MBD5: variants seen among roughly 807,000 people sequenced by gnomAD.
The protein encoded by MBD5 is methyl-CpG binding domain protein 5, also known as methyl-CpG-binding domain protein 5.
In MBD5, 13 loss-of-function variants were observed where a neutral mutation model predicts 117.3. That is an observed-to-expected ratio of 0.11 (90% confidence interval 0.07 to 0.18). The LOEUF is 0.18. Among genes scored for constraint, MBD5 ranks in the 10% least tolerant of loss-of-function variants. The pLI is 1.00. For missense variants in MBD5, 1,879 were observed against 2,093.8 expected (o/e 0.90, Z 2.00); for synonymous variants, 727 against 766.4 (o/e 0.95, Z 0.85).
At chr2:148,296,251 A>T (rs1701644364) in intron 3 of MBD5, 1 of 188,662 alleles carries the variant, frequency 5.3e-6, no homozygotes, top group South Asian at 1.2e-4. Flanking sequence ...CTTATAGAAT[A>T]TCAGCAATTG....
At chr2:148,025,708 C>A (rs934950863) in intron 1 of MBD5, 4 of 152,008 alleles carry the variant, frequency 2.6e-5, no homozygotes, top group African/African-American at 4.8e-5. Context: ...CAAATTTTAG[C>A]AAATCTAACA....
intron 7 of MBD5, among the ~76,000 whole-genome samples, chr2:148,464,321 A>G (rs1707189927): frequency 6.6e-6 from 1 of 152,116 alleles, no homozygotes; most frequent in East Asian, 1.9e-4. Context: ...AACACCTACT[A>G]AACAGAAATC....
At chr2:148,294,637 A>G (rs1329629432) in intron 3 of MBD5, among the ~76,000 whole-genome samples, 3 of 151,104 alleles carry the variant, frequency 2.0e-5, no homozygotes, top group Non-Finnish European at 2.9e-5. Context: ...CGAGTAGCTG[A>G]TATTACAGCC....
chr2:148,394,984 A>C (rs918878226), intron 4 of MBD5, among the ~76,000 whole-genome samples: 2 of 151,930 alleles, frequency 1.3e-5, no homozygotes, highest in African/African-American at 4.8e-5. Flanking sequence ...TATCTCCTCC[A>C]TGGCTTTGTT....
chr2:148,443,320 G>A lies in MBD5; in HGVS notation c.-556-14883G>A, dbSNP rs192063980. On this transcript the variant is annotated intron_variant, in intron 4 of 13. Coordinates refer to ENST00000642680, the MANE Select transcript of MBD5 (RefSeq NM_001378120.1). ...TGGAAATGTAAATTGGGAATGTAAAGAGAGAACAGTTTGGAGGTTCCTCAC... is the reference window on the plus strand; with the variant it reads ...TGGAAATGTAAATTGGGAATGTAAAAAGAGAACAGTTTGGAGGTTCCTCAC... Among the ~76,000 whole-genome samples, 315 of 151,328 alleles carry A rather than the reference G, an allele frequency of 2.1e-3. 2 individuals carry two copies. The highest frequency in any genetic ancestry group is 3.4e-3 in the Middle Eastern group (1 of 294).
intron 3 of MBD5, among the ~76,000 whole-genome samples, chr2:148,253,931 G>A (rs535550062): frequency 1.3e-4 from 20 of 152,314 alleles, no homozygotes; most frequent in South Asian, 1.0e-3. Context: ...GTCATGCTGC[G>A]CTGGAAGTCT....
In MBD5 at chr2:148,300,607, T is replaced by C. The variant is rs936065472; in HGVS notation, c.-679-41607T>C. On this transcript the variant is annotated intron_variant, in intron 3 of 13. Transcript: ENST00000642680. The stretch of plus-strand genomic sequence containing the variant: ...ATATTTGTTATTCTTGGATAATTAG[T>C]ATTAGAACTCTTTTTCTGGGTTTAG... Among the ~76,000 whole-genome samples the C allele has an allele frequency of 2.0e-5, 3 of 152,320 alleles. No individual in the cohort carries two copies. The South Asian group carries it at 6.2e-4, about 32-fold the overall frequency.
chr2:148,397,866 T>G (rs1034936043), intron 4 of MBD5, among the ~76,000 whole-genome samples: 1 of 150,272 alleles, frequency 6.7e-6, no homozygotes. Flanking sequence ...TGTGTTCTCA[T>G]TGTTCAGTTC....
intron 3 of MBD5, among the ~76,000 whole-genome samples, chr2:148,241,363 T>C (rs1243094717): frequency 6.6e-6 from 1 of 152,188 alleles, no homozygotes; most frequent in Non-Finnish European, 1.5e-5. Context: ...CCTTTATGGA[T>C]TTCTGTGGAA....
chr2:148,321,172 T>C (rs1473238937), intron 3 of MBD5, among the ~76,000 whole-genome samples: 1 of 152,232 alleles, frequency 6.6e-6, no homozygotes, highest in East Asian at 1.9e-4. Context: ...AAATATAACT[T>C]AGTAAACAGT....
intron 1 of MBD5, among the ~76,000 whole-genome samples, chr2:148,066,189 G>A (rs1165610543): frequency 6.6e-6 from 1 of 151,988 alleles, no homozygotes; most frequent in African/African-American, 2.4e-5. Flanking sequence ...GCCTGTCATC[G>A]CAGCTACTTG....
intron 1 of MBD5, among the ~76,000 whole-genome samples, chr2:148,099,228 A>T (rs528679187): frequency 6.6e-6 from 1 of 152,190 alleles, no homozygotes; most frequent in African/African-American, 2.4e-5. Flanking sequence ...TATAATTAGT[A>T]TTGAGGAATG....
At chr2:148,494,542 T>C (rs115529690) in intron 11 of MBD5, among the ~76,000 whole-genome samples, 174 of 152,348 alleles carry the variant, frequency 1.1e-3, no homozygotes, top group African/African-American at 4.0e-3. Context: ...TGCCTGTATG[T>C]ATTACTTTCC....
chr2:148,107,413 T>G (rs999134067), intron 1 of MBD5, among the ~76,000 whole-genome samples: 1 of 150,994 alleles, frequency 6.6e-6, no homozygotes, highest in South Asian at 2.1e-4. Context: ...TTGAATTGAG[T>G]TTTTTTTTAT....
At chr2:148,452,080 C>CA (rs1239539871) in intron 4 of MBD5, among the ~76,000 whole-genome samples, 2 of 152,086 alleles carry the variant, frequency 1.3e-5, no homozygotes, top group African/African-American at 4.8e-5. Context: ...TTATTTTTAT[C>CA]ATTAATCATT....
intron 1 of MBD5, among the ~76,000 whole-genome samples, chr2:148,068,362 C>T (rs1371494383): frequency 6.6e-6 from 1 of 152,096 alleles, no homozygotes; most frequent in Admixed American, 6.5e-5. Flanking sequence ...CTATGGTTGT[C>T]CCGTGAATTT....
At chr2:148,426,475 C>T (rs1705790785) in intron 4 of MBD5, among the ~76,000 whole-genome samples, 1 of 151,922 alleles carries the variant, frequency 6.6e-6, no homozygotes, top group African/African-American at 2.4e-5. Context: ...TGGAGCAGAA[C>T]AGAGCCCTCA....
chr2:148,313,029 G>T (rs141904158), intron 3 of MBD5, among the ~76,000 whole-genome samples: 60 of 152,198 alleles, frequency 3.9e-4, no homozygotes, highest in African/African-American at 1.3e-3. Context: ...TGGAAGGTTC[G>T]TCCCAGAGTG....
chr2:148,500,499 T>C (rs1396839001), intron 11 of MBD5, among the ~76,000 whole-genome samples: 1 of 152,166 alleles, frequency 6.6e-6, no homozygotes, highest in Non-Finnish European at 1.5e-5. Context: ...CAGTGCCTTT[T>C]ACATAATAAA....
Sources: allele counts gnomAD v4.1 joint callset (sites outside exome capture counted in the v4.1 genomes callset), GRCh38; gene constraint gnomAD v4.1.1; transcripts MANE v1.5; gene names NCBI Gene and HGNC (gene_info 2026-07-23, HGNC 2026-07-21).